Variants in UVRAG observed in about 807,000 individuals in gnomAD.
UVRAG encodes the protein UV radiation resistance-associated gene protein.
Under a neutral mutation model 78.0 loss-of-function variants are expected in UVRAG, and 19 were observed. That is an observed-to-expected ratio of 0.24 (90% CI 0.17 to 0.36). UVRAG has a LOEUF of 0.36. Ranked by LOEUF, UVRAG falls within the 10% of genes least tolerant of loss-of-function variation. The pLI is 1.00. For missense variants in UVRAG, 740 were observed against 853.8 expected (o/e 0.87, Z 1.66); for synonymous variants, 323 against 324.6 (o/e 1.00, Z 0.05).
intron 14 of UVRAG, among the ~76,000 whole-genome samples, chr11:76,127,945 G>A (rs565858024): frequency 2.9e-4 from 44 of 151,872 alleles, no homozygotes; most frequent in East Asian, 1.9e-4. Context: ...CAAAAAGAGC[G>A]AGACCCCATC....
chr11:76,128,362 C>T (rs76152830), intron 14 of UVRAG, among the ~76,000 whole-genome samples: 1,769 of 152,294 alleles, frequency 0.012, 36 homozygotes, highest in African/African-American at 0.036. Flanking sequence ...CCCCTGCCCA[C>T]GGCCCATGGA....
At chr11:75,844,792 G>T (rs529988963) in intron 1 of UVRAG, among the ~76,000 whole-genome samples, 5 of 151,660 alleles carry the variant, frequency 3.3e-5, no homozygotes, top group Non-Finnish European at 7.4e-5. Flanking sequence ...TTGCACCTCA[G>T]CCTCCTGGGT....
At chr11:75,891,789 C>T (rs751609176) in intron 5 of UVRAG, among the ~76,000 whole-genome samples, 3 of 152,026 alleles carry the variant, frequency 2.0e-5, no homozygotes, top group Non-Finnish European at 4.4e-5. Context: ...TGACACGTGT[C>T]TGTAGTCCCA....
intron 7 of UVRAG, among the ~76,000 whole-genome samples, chr11:75,974,549 G>C (rs1473346701): frequency 1.3e-5 from 2 of 150,964 alleles, no homozygotes; most frequent in Non-Finnish European, 3.0e-5. Context: ...TGTATTTTTA[G>C]TAGAGATGGG....
In UVRAG at chr11:76,080,502, A is replaced by AAT. The variant is rs199702854; in HGVS notation, c.1305+14726_1305+14727dup. 9.8e-4 allele frequency among the ~76,000 whole-genome samples: 149 copies of AAT among 151,498 alleles called. 1 individual carries two copies. The South Asian group carries it at 0.012, about 12-fold the overall frequency. On this transcript the variant is annotated intron_variant, in intron 13 of 14. Transcript: ENST00000356136. Reference sequence around the variant, plus strand: ...TGAGCACATATTGCTTTTATAATAGAATATATATATATAAATTATTTTTTT... The same window carrying AAT: ...TGAGCACATATTGCTTTTATAATAGAATATATATATATATAAATTATTTTTTT...
intron 7 of UVRAG, among the ~76,000 whole-genome samples, chr11:75,972,918 G>A (rs780365998): frequency 2.0e-5 from 3 of 151,974 alleles, no homozygotes; most frequent in Non-Finnish European, 4.4e-5. Flanking sequence ...CTAGGAGGGT[G>A]TTTTTTTGTT....
At chr11:75,862,483 G>C (rs1293084701) in intron 3 of UVRAG, among the ~76,000 whole-genome samples, 2 of 152,122 alleles carry the variant, frequency 1.3e-5, no homozygotes, top group African/African-American at 4.8e-5. Flanking sequence ...CTTGGATTTG[G>C]CCCTTGTCTG....
chr11:76,083,745 G>C (rs887238472), intron 13 of UVRAG, among the ~76,000 whole-genome samples: 1 of 152,162 alleles, frequency 6.6e-6, no homozygotes, highest in African/African-American at 2.4e-5. Context: ...CTTCTGAAAG[G>C]CTTGTGAACC....
intron 14 of UVRAG, among the ~76,000 whole-genome samples, chr11:76,130,669 A>C (rs929575849): frequency 1.3e-5 from 2 of 152,194 alleles, no homozygotes; most frequent in African/African-American, 2.4e-5. Context: ...AAACCCTCAC[A>C]GTTTGGTTCA....
chr11:76,141,375 T>C lies in UVRAG; in HGVS notation c.2062T>C (p.Ser688Pro). ...RRIYALNENV[S>P]SFRRPRRSSD... is the part of the protein sequence containing the mutation. The stretch of plus-strand genomic sequence containing the variant: ...GATCTATGCACTGAATGAAAACGTA[T>C]CCAGCTTCCGCCGGCCGCGCAGGAG... Residue 688 changes from serine to proline, a missense_variant, in exon 15 of 15, where the codon TCC becomes CCC. By Grantham distance (74) the Ser-to-Pro change is moderately conservative. Transcript: ENST00000356136. 3 of 1,613,962 alleles carry C rather than the reference T, an allele frequency of 1.9e-6. No homozygotes were observed. Among genetic ancestry groups the C allele is most frequent in the Non-Finnish European group, 2.5e-6 (3 of 1,180,034 alleles).
intron 12 of UVRAG, among the ~76,000 whole-genome samples, chr11:76,029,045 T>C (rs987749013): frequency 6.6e-6 from 1 of 152,170 alleles, no homozygotes; most frequent in Non-Finnish European, 1.5e-5. Flanking sequence ...AGCTGCTAAC[T>C]TTAAGCTAAT....
In UVRAG at chr11:75,941,767, T is replaced by TA. The variant is rs1948489214; in HGVS notation, c.594-19676dup. 2.0e-5 allele frequency among the ~76,000 whole-genome samples: 3 copies of TA among 152,256 alleles called. No homozygotes were observed. In the South Asian group the frequency reaches 6.2e-4, roughly 32 times the overall value. The stretch of plus-strand genomic sequence containing the variant: ...ATGAGTTCTCTGAAAAACTTCCTCT[T>TA]ACAGTGAAAGTCATAGTCCAGGAGA... On this transcript the variant is annotated intron_variant, in intron 6 of 14. Transcript: ENST00000356136.
chr11:75,839,759 TTCA>T (rs887842710), intron 1 of UVRAG, among the ~76,000 whole-genome samples: 1 of 151,918 alleles, frequency 6.6e-6, no homozygotes, highest in Admixed American at 6.6e-5. Flanking sequence ...TATGAATATA[TTCA>T]TCAGTATATC....
chr11:76,068,070 A>G (rs186286833), intron 13 of UVRAG, among the ~76,000 whole-genome samples: 68 of 152,304 alleles, frequency 4.5e-4, no homozygotes, highest in African/African-American at 1.5e-3. Flanking sequence ...ACATACACAC[A>G]ATATGCACAT....
chr11:75,881,487 A>G (rs1002371576), intron 4 of UVRAG, among the ~76,000 whole-genome samples: 3 of 152,222 alleles, frequency 2.0e-5, no homozygotes, highest in African/African-American at 7.2e-5. Flanking sequence ...TCAGATATGC[A>G]TCTATCTCAG....
chr11:76,054,502 G>A (rs575832235), intron 12 of UVRAG, among the ~76,000 whole-genome samples: 17 of 152,308 alleles, frequency 1.1e-4, no homozygotes, highest in Non-Finnish European at 2.5e-4. Context: ...CCAGGACCCT[G>A]CATGATGTAA....
chr11:76,110,859 C>CT (rs1034798839), intron 13 of UVRAG, among the ~76,000 whole-genome samples: 2 of 152,084 alleles, frequency 1.3e-5, no homozygotes, highest in African/African-American at 4.8e-5. Context: ...ATATATGAGA[C>CT]TTTTATTTGT....
chr11:75,930,774 G>A (rs981490675), intron 6 of UVRAG: 1 of 152,158 alleles, frequency 6.6e-6, no homozygotes, highest in South Asian at 2.1e-4. Flanking sequence ...CATTGTTTAT[G>A]CATAAATAAA....
intron 6 of UVRAG, among the ~76,000 whole-genome samples, chr11:75,922,653 T>G (rs917844814): frequency 2.0e-5 from 3 of 152,092 alleles, no homozygotes; most frequent in Non-Finnish European, 4.4e-5. Flanking sequence ...TTCTGTTAAT[T>G]TTGAAAACTA....
Sources: allele counts gnomAD v4.1 joint callset (sites outside exome capture counted in the v4.1 genomes callset), GRCh38; gene constraint gnomAD v4.1.1; transcripts MANE v1.5; gene names NCBI Gene and HGNC (gene_info 2026-07-23, HGNC 2026-07-21).